SEMA3E: variants seen among roughly 807,000 people sequenced by gnomAD.
SEMA3E encodes the protein semaphorin-3E.
In SEMA3E, 49 loss-of-function variants were observed where a neutral mutation model predicts 93.6. The observed-to-expected ratio is 0.52, with a 90% confidence interval of 0.42 to 0.66. The LOEUF is 0.66. Ranked by LOEUF, SEMA3E falls within the 30% of genes least tolerant of loss-of-function variation. The probability of loss-of-function intolerance (pLI) is 0.00; values close to 1 mark genes in which losing one functional copy is unlikely to be tolerated. For missense variants in SEMA3E, 906 were observed against 964.8 expected (o/e 0.94, Z 0.81); for synonymous variants, 363 against 330.7 (o/e 1.10, Z -1.06).
intron 16 of SEMA3E, among the ~76,000 whole-genome samples, chr7:83,380,302 T>C (rs1023831534): frequency 3.3e-5 from 5 of 152,004 alleles, no homozygotes; most frequent in African/African-American, 1.2e-4. Flanking sequence ...ATTTTTTCAA[T>C]AACTATTGAA....
chr7:83,633,477 C>A (rs1793825958), intron 1 of SEMA3E, among the ~76,000 whole-genome samples: 1 of 152,100 alleles, frequency 6.6e-6, no homozygotes, highest in Non-Finnish European at 1.5e-5. Context: ...CAAAAGGAAC[C>A]AATTTGTTTA....
chr7:83,564,006 CA>C (rs1401185315), intron 1 of SEMA3E, among the ~76,000 whole-genome samples: 6 of 152,058 alleles, frequency 3.9e-5, no homozygotes, highest in African/African-American at 1.4e-4. Flanking sequence ...ATTGTGCATG[CA>C]GATAGTTGCC....
Position 83,390,059 on chromosome 7 carries a change from GCACA to G in SEMA3E, c.1667+2492_1667+2495del, listed in dbSNP as rs1562758486. Among the ~76,000 whole-genome samples, 215 of 24,508 alleles carry G rather than the reference GCACA, an allele frequency of 8.8e-3. 2 individuals carry two copies. Among genetic ancestry groups the G allele is most frequent in the African/African-American group, 0.015 (205 of 13,908 alleles). 16.1% of individuals were successfully genotyped at this position (24,508 alleles called of 152,430 possible). A position where few individuals can be genotyped will look rare whatever the true frequency, so the allele number is the denominator to read the frequency against. On this transcript the variant is annotated intron_variant, in intron 14 of 16. Coordinates refer to ENST00000643230, the MANE Select transcript of SEMA3E (RefSeq NM_012431.3). The stretch of plus-strand genomic sequence containing the variant: ...TACACATATATGCGCGTATACGTGT[GCACA>G]TATATGCGCGTATACGTGTGCACAT...
chr7:83,547,278 G>A (rs1365823435), intron 1 of SEMA3E, among the ~76,000 whole-genome samples: 1 of 152,078 alleles, frequency 6.6e-6, no homozygotes, highest in Non-Finnish European at 1.5e-5. Flanking sequence ...CATCACAGTT[G>A]ATGGGACTTC....
intron 1 of SEMA3E, 103 bp from the exon 2 acceptor site, chr7:83,490,377 A>T: frequency 9.0e-7 from 1 of 1,115,482 alleles, no homozygotes; most frequent in Non-Finnish European, 1.3e-6. Flanking sequence ...GAACTGAGTC[A>T]TTAACATTCA....
intron 9 of SEMA3E, among the ~76,000 whole-genome samples, chr7:83,403,318 T>C (rs1458382585): frequency 2.0e-5 from 3 of 151,960 alleles, no homozygotes; most frequent in African/African-American, 4.8e-5. Context: ...TCATGTAAAC[T>C]TTAATATGCT....
intron 5 of SEMA3E, among the ~76,000 whole-genome samples, chr7:83,409,750 T>G (rs1788403370): frequency 6.6e-6 from 1 of 151,728 alleles, no homozygotes. Context: ...TATTGAATAC[T>G]TTATTTATAA....
intron 2 of SEMA3E, among the ~76,000 whole-genome samples, chr7:83,471,752 T>C (rs73174545): frequency 0.24 from 36,629 of 152,088 alleles, 4,739 homozygotes; most frequent in Middle Eastern, 0.38. Context: ...CTCTTGCAGA[T>C]AAATACCAGA....
chr7:83,608,880 T>TGTGAGAAAAAAAGTAGAC (rs1793185975), intron 1 of SEMA3E, among the ~76,000 whole-genome samples: 1 of 152,098 alleles, frequency 6.6e-6, no homozygotes, highest in Non-Finnish European at 1.5e-5. Context: ...GTTTGAGAGA[T>TGTGAGAAAAAAAGTAGAC]GTGAGAAAAA....
chr7:83,518,541 A>G (rs1790980882), intron 1 of SEMA3E, among the ~76,000 whole-genome samples: 2 of 152,198 alleles, frequency 1.3e-5, no homozygotes, highest in Non-Finnish European at 2.9e-5. Flanking sequence ...TAGGCAAATC[A>G]CTTAAACTTA....
chr7:83,610,463 A>G (rs1381099812), intron 1 of SEMA3E, among the ~76,000 whole-genome samples: 1 of 152,034 alleles, frequency 6.6e-6, no homozygotes, highest in Non-Finnish European at 1.5e-5. Context: ...TTAATCTTAT[A>G]GATATTATAA....
At chr7:83,580,922 A>G (rs1792506747) in intron 1 of SEMA3E, among the ~76,000 whole-genome samples, 1 of 152,006 alleles carries the variant, frequency 6.6e-6, no homozygotes, top group Non-Finnish European at 1.5e-5. Context: ...TCTGTGTCAA[A>G]AATGATATTA....
chr7:83,401,321 T>C (rs2115621910), intron 10 of SEMA3E, among the ~76,000 whole-genome samples: 1 of 152,250 alleles, frequency 6.6e-6, no homozygotes, highest in African/African-American at 2.4e-5. Context: ...CTTTAGAGTA[T>C]AAATACAGTA....
At chr7:83,544,099 T>G (rs1791593891) in intron 1 of SEMA3E, among the ~76,000 whole-genome samples, 1 of 152,048 alleles carries the variant, frequency 6.6e-6, no homozygotes, top group Non-Finnish European at 1.5e-5. Flanking sequence ...TTTCCTGAGA[T>G]TTCCTGAAAC....
At chr7:83,474,597 C>A (rs1441246991) in intron 2 of SEMA3E, among the ~76,000 whole-genome samples, 1 of 152,006 alleles carries the variant, frequency 6.6e-6, no homozygotes, top group East Asian at 1.9e-4. Flanking sequence ...AAAAGAAAAC[C>A]AACCCTAAAG....
At chr7:83,398,637 T>C (rs950963293) in intron 11 of SEMA3E, among the ~76,000 whole-genome samples, 1 of 152,198 alleles carries the variant, frequency 6.6e-6, no homozygotes, top group Non-Finnish European at 1.5e-5. Flanking sequence ...CTTTTTTAAA[T>C]CTTTGTTTTA....
chr7:83,499,223 A>G (rs1790549618), intron 1 of SEMA3E, among the ~76,000 whole-genome samples: 2 of 152,192 alleles, frequency 1.3e-5, no homozygotes, highest in Admixed American at 6.5e-5. Context: ...ACAGATGTGC[A>G]AATATATTGG....
At chr7:83,524,210 T>C in intron 1 of SEMA3E, among the ~76,000 whole-genome samples, 1 of 152,126 alleles carries the variant, frequency 6.6e-6, no homozygotes, top group East Asian at 1.9e-4. Context: ...GTCATATCAG[T>C]AGAAAAGTTT....
chr7:83,628,912 C>T (rs1226105075), intron 1 of SEMA3E, among the ~76,000 whole-genome samples: 1 of 152,066 alleles, frequency 6.6e-6, no homozygotes, highest in African/African-American at 2.4e-5. Context: ...TTTTCCTCAT[C>T]CTCATGTGTT....
Sources: allele counts gnomAD v4.1 joint callset (sites outside exome capture counted in the v4.1 genomes callset), GRCh38; gene constraint gnomAD v4.1.1; transcripts MANE v1.5; gene names NCBI Gene and HGNC (gene_info 2026-07-23, HGNC 2026-07-21).